The following SORCS3 variants were observed in gnomAD, a reference collection of about 807,000 sequenced individuals.
SORCS3 encodes sortilin related VPS10 domain containing receptor 3.
SORCS3 carries 57 observed loss-of-function variants against 146.3 expected under a neutral mutation model. The ratio of observed to expected loss-of-function variants is 0.39; its 90% confidence interval spans 0.31 to 0.49. The LOEUF is 0.49. Ranked by LOEUF, SORCS3 falls within the 20% of genes least tolerant of loss-of-function variation. The pLI, the probability that SORCS3 is intolerant of heterozygous loss-of-function variation, is 0.92. For synonymous variants in SORCS3, 653 were observed against 618.5 expected, an observed-to-expected ratio of 1.06 and a Z score of -0.83; for missense variants, 1,341 against 1,575.5, an observed-to-expected ratio of 0.85 and a Z score of 2.52.
intron 2 of SORCS3, among the ~76,000 whole-genome samples, chr10:104,863,325 G>A (rs954641598): frequency 1.3e-5 from 2 of 152,162 alleles, no homozygotes; most frequent in African/African-American, 2.4e-5. Context: ...CTACTGCCTC[G>A]CTTTCAAACA....
chr10:105,118,441 G>T (rs2055908162), intron 7 of SORCS3, among the ~76,000 whole-genome samples: 1 of 152,174 alleles, frequency 6.6e-6, no homozygotes, highest in Non-Finnish European at 1.5e-5. Context: ...TTATAGCAGT[G>T]TGAGAACAGA....
At chr10:104,918,907 C>T (rs2019059192) in intron 3 of SORCS3, among the ~76,000 whole-genome samples, 1 of 152,164 alleles carries the variant, frequency 6.6e-6, no homozygotes, top group South Asian at 2.1e-4. Context: ...CTGTTTGTAT[C>T]TGTTTTGGAA....
intron 1 of SORCS3, among the ~76,000 whole-genome samples, chr10:104,754,751 G>T (rs2017028078): frequency 6.6e-6 from 1 of 152,206 alleles, no homozygotes; most frequent in Non-Finnish European, 1.5e-5. Flanking sequence ...GCTGATTATA[G>T]AAATCAGTCC....
chr10:105,123,086 C>G (rs1365035037), intron 7 of SORCS3, among the ~76,000 whole-genome samples: 1 of 152,228 alleles, frequency 6.6e-6, no homozygotes, highest in Non-Finnish European at 1.5e-5. Flanking sequence ...GCCTTCCAGG[C>G]AAAACTGTTG....
At chr10:105,193,805 T>C (rs2056530253) in intron 14 of SORCS3, among the ~76,000 whole-genome samples, 1 of 152,114 alleles carries the variant, frequency 6.6e-6, no homozygotes, top group African/African-American at 2.4e-5. Flanking sequence ...AGACCACCCA[T>C]ATGTTAACAA....
At chr10:104,997,935 A>T (rs1287904560) in intron 4 of SORCS3, among the ~76,000 whole-genome samples, 1 of 152,196 alleles carries the variant, frequency 6.6e-6, no homozygotes, top group Admixed American at 6.6e-5. Flanking sequence ...TTAGGGACCC[A>T]GTAAAGTTCT....
At chr10:105,184,374 C>T (rs1564778740) in intron 14 of SORCS3, among the ~76,000 whole-genome samples, 1 of 152,198 alleles carries the variant, frequency 6.6e-6, no homozygotes, top group Non-Finnish European at 1.5e-5. Context: ...TCCCCCCCAA[C>T]CATTTAAAAT....
chr10:105,216,464 ACTT>A (rs2056665735), intron 18 of SORCS3, among the ~76,000 whole-genome samples: 1 of 152,112 alleles, frequency 6.6e-6, no homozygotes, highest in Admixed American at 6.5e-5. Context: ...TGGTCTAACT[ACTT>A]ATTTTTGTCC....
chr10:105,217,605 C>A (rs940299610), intron 19 of SORCS3, among the ~76,000 whole-genome samples: 8 of 152,214 alleles, frequency 5.3e-5, no homozygotes, highest in Non-Finnish European at 7.3e-5. Flanking sequence ...AACACACACA[C>A]AAAATTAATT....
intron 22 of SORCS3, among the ~76,000 whole-genome samples, chr10:105,251,248 G>A (rs1192069088): frequency 6.6e-6 from 1 of 152,162 alleles, no homozygotes; most frequent in African/African-American, 2.4e-5. Flanking sequence ...GTGGCAGAGC[G>A]AAGGGGGAAA....
intron 2 of SORCS3, among the ~76,000 whole-genome samples, chr10:104,849,200 C>T (rs916580764): frequency 1.8e-4 from 27 of 152,104 alleles, no homozygotes; most frequent in African/African-American, 5.5e-4. Flanking sequence ...TACCTGAGGT[C>T]AGGGGTTCAC....
chr10:104,843,823 T>A (rs904791029), intron 2 of SORCS3, among the ~76,000 whole-genome samples: 2 of 152,236 alleles, frequency 1.3e-5, no homozygotes, highest in Non-Finnish European at 2.9e-5. Flanking sequence ...CCCTCTCTGC[T>A]AGGTCCATGA....
chr10:104,995,225 T>G (rs1465919507), intron 4 of SORCS3, among the ~76,000 whole-genome samples: 1 of 150,980 alleles, frequency 6.6e-6, no homozygotes, highest in Admixed American at 6.6e-5. Flanking sequence ...AGTGGCATGA[T>G]CTCAGCTTAC....
intron 1 of SORCS3, among the ~76,000 whole-genome samples, chr10:104,780,180 G>A (rs2017358815): frequency 6.6e-6 from 1 of 151,592 alleles, no homozygotes; most frequent in African/African-American, 2.4e-5. Context: ...TGATGGCAGA[G>A]TATTTTTGGC....
At chr10:105,060,827 C>T (rs1329494723) in intron 5 of SORCS3, among the ~76,000 whole-genome samples, 2 of 151,962 alleles carry the variant, frequency 1.3e-5, no homozygotes, top group Non-Finnish European at 2.9e-5. Flanking sequence ...ATCCCAGCTA[C>T]TCGGGAGCCT....
At chr10:104,732,904 GAGA>G (rs1391302336) in intron 1 of SORCS3, among the ~76,000 whole-genome samples, 2 of 152,160 alleles carry the variant, frequency 1.3e-5, no homozygotes, top group Non-Finnish European at 2.9e-5. Context: ...GTCCTCAGGG[GAGA>G]AGGAGGGCCT....
At chr10:105,255,995 T>C (rs1034719338) in intron 24 of SORCS3, among the ~76,000 whole-genome samples, 194 bp downstream of exon 24, 1 of 152,206 alleles carries the variant, frequency 6.6e-6, no homozygotes, top group African/African-American at 2.4e-5. Flanking sequence ...AAGAAGACTT[T>C]CTTAGGAGTA....
intron 1 of SORCS3, among the ~76,000 whole-genome samples, chr10:104,743,279 A>G (rs1405300930): frequency 6.6e-6 from 1 of 152,234 alleles, no homozygotes; most frequent in Non-Finnish European, 1.5e-5. Context: ...ACCATGACCT[A>G]GAGGACTATC....
At chr10:104,825,905 G>T (rs2017929928) in intron 1 of SORCS3, among the ~76,000 whole-genome samples, 1 of 152,110 alleles carries the variant, frequency 6.6e-6, no homozygotes, top group East Asian at 1.9e-4. Flanking sequence ...CAGTCTCCTT[G>T]TTTCAACAGC....
Sources: allele counts gnomAD v4.1 joint callset (sites outside exome capture counted in the v4.1 genomes callset), GRCh38; gene constraint gnomAD v4.1.1; transcripts MANE v1.5; gene names NCBI Gene and HGNC (gene_info 2026-07-23, HGNC 2026-07-21).